AFG1L: variants seen among roughly 807,000 people sequenced by gnomAD.
The protein encoded by AFG1L is AFG1 like ATPase.
AFG1L carries 53 observed loss-of-function variants against 62.2 expected under a neutral mutation model. The ratio of observed to expected loss-of-function variants is 0.85; its 90% CI spans 0.68 to 1.07. The LOEUF (loss-of-function observed/expected upper bound fraction) is 1.07, where lower values mean the gene tolerates loss of function less well. AFG1L is among the 50% of genes least tolerant of loss of function. AFG1L has a pLI of 0.00. For missense variants in AFG1L, 555 were observed against 590.5 expected, an observed-to-expected ratio of 0.94 and a Z score of 0.62; for synonymous variants, 228 against 210.3, an observed-to-expected ratio of 1.08 and a Z score of -0.73.
chr6:108,338,689 G>A (rs1192119350), intron 2 of AFG1L, among the ~76,000 whole-genome samples: 1 of 152,080 alleles, frequency 6.6e-6, no homozygotes, highest in Non-Finnish European at 1.5e-5. Flanking sequence ...ACTTGAACAC[G>A]TGGCTTCTTT....
Position 108,522,297 on chromosome 6 carries a change from G to C in AFG1L, c.1318G>C (p.Asp440His), listed in dbSNP as rs746215758. ...ILMDDLGLSQDSAEGLSMFTG... is the reference protein window; with the variant it reads ...ILMDDLGLSQHSAEGLSMFTG... ...TTTAATTTCTTTGTTTTATAACCAG[G>C]ATTCAGCAGAAGGACTCTCCATGTT... Residue 440 changes from aspartate (D) to histidine (H), a missense_variant and splice_region_variant, in exon 13 of 13, where the codon GAT becomes CAT. By Grantham distance (81) the Asp-to-His change is moderately conservative. Transcript: ENST00000368977. 2 of 1,612,546 alleles carry C rather than the reference G, an allele frequency of 1.2e-6. No individual in the cohort carries two copies. Among genetic ancestry groups the C allele is most frequent in the Non-Finnish European group, 1.7e-6 (2 of 1,179,394 alleles).
chr6:108,308,516 A>T (rs1354199392), intron 1 of AFG1L, among the ~76,000 whole-genome samples: 2 of 151,632 alleles, frequency 1.3e-5, no homozygotes, highest in African/African-American at 4.8e-5. Flanking sequence ...TTACTTATTT[A>T]ATTTTAATTT....
chr6:108,487,624 G>A (rs1284459094), intron 10 of AFG1L, among the ~76,000 whole-genome samples: 4 of 152,168 alleles, frequency 2.6e-5, no homozygotes, highest in Non-Finnish European at 5.9e-5. Flanking sequence ...CATAATATGA[G>A]TGTATCAGGA....
At chr6:108,303,815 CAAAT>C (rs1223688222) in intron 1 of AFG1L, among the ~76,000 whole-genome samples, 7 of 152,148 alleles carry the variant, frequency 4.6e-5, no homozygotes, top group African/African-American at 1.4e-4. Flanking sequence ...ACTAACATAA[CAAAT>C]GAATGGGTTT....
chr6:108,360,634 T>G (rs997865223), intron 5 of AFG1L, among the ~76,000 whole-genome samples: 1 of 152,198 alleles, frequency 6.6e-6, no homozygotes, highest in Non-Finnish European at 1.5e-5. Flanking sequence ...AAAAGGCTGA[T>G]ATCTGCATAT....
chr6:108,350,580 A>G (rs1582418162), intron 3 of AFG1L, among the ~76,000 whole-genome samples: 1 of 152,190 alleles, frequency 6.6e-6, no homozygotes, highest in Non-Finnish European at 1.5e-5. Context: ...TATTTTTGTT[A>G]TAAAATGTTT....
chr6:108,331,778 T>A (rs1290110183), intron 2 of AFG1L, among the ~76,000 whole-genome samples: 1 of 152,152 alleles, frequency 6.6e-6, no homozygotes, highest in East Asian at 1.9e-4. Context: ...AGGGAGAGAA[T>A]TAAATAGAGT....
intron 3 of AFG1L, among the ~76,000 whole-genome samples, chr6:108,350,196 AAAAT>A (rs1044921610): frequency 2.3e-4 from 35 of 152,182 alleles, no homozygotes; most frequent in African/African-American, 8.2e-4. Flanking sequence ...ACTCTGTCTC[AAAAT>A]AAATAAATAA....
At chr6:108,517,811 A>G (rs1774962782) in intron 11 of AFG1L, among the ~76,000 whole-genome samples, 1 of 152,250 alleles carries the variant, frequency 6.6e-6, no homozygotes, top group Admixed American at 6.5e-5. Flanking sequence ...TTACAAGAAA[A>G]AAAACAACAA....
chr6:108,462,518 C>T (rs966349455), intron 8 of AFG1L, among the ~76,000 whole-genome samples: 1 of 152,158 alleles, frequency 6.6e-6, no homozygotes, highest in African/African-American at 2.4e-5. Context: ...AACTACTGAA[C>T]TAGAAATTAA....
chr6:108,347,834 A>T (rs560702338), intron 3 of AFG1L, among the ~76,000 whole-genome samples: 10 of 152,040 alleles, frequency 6.6e-5, no homozygotes, highest in Admixed American at 4.6e-4. Context: ...TTTTAATTTT[A>T]ATTTTTTCTA....
chr6:108,430,149 T>C (rs1388206435), intron 7 of AFG1L, among the ~76,000 whole-genome samples: 3 of 152,108 alleles, frequency 2.0e-5, no homozygotes, highest in African/African-American at 7.2e-5. Flanking sequence ...GATTTCACCA[T>C]GTTGGCCAGG....
At chr6:108,420,130 C>T (rs979035380) in intron 7 of AFG1L, among the ~76,000 whole-genome samples, 10 of 152,062 alleles carry the variant, frequency 6.6e-5, no homozygotes, top group Non-Finnish European at 1.5e-4. Flanking sequence ...ACTGCGTTGT[C>T]ACCTGAGTCA....
At chr6:108,443,369 A>G (rs1771625779) in intron 7 of AFG1L, among the ~76,000 whole-genome samples, 1 of 152,176 alleles carries the variant, frequency 6.6e-6, no homozygotes, top group African/African-American at 2.4e-5. Context: ...TCCAACCAAT[A>G]AGAAGCTGCC....
intron 6 of AFG1L, among the ~76,000 whole-genome samples, chr6:108,394,177 T>G (rs1781191285): frequency 7.5e-6 from 1 of 132,484 alleles, no homozygotes; most frequent in Admixed American, 8.3e-5. Context: ...TTCCAGAGTC[T>G]CACTCTGTTG....
intron 6 of AFG1L, among the ~76,000 whole-genome samples, chr6:108,400,839 TA>T (rs1660484083): frequency 4.0e-5 from 1 of 24,724 alleles, no homozygotes; most frequent in Admixed American, 4.0e-4. Context: ...TATATATTTA[TA>T]TATAATGCAA....
intron 6 of AFG1L, among the ~76,000 whole-genome samples, chr6:108,395,829 GGAGAGAGATAGA>G (rs1781271878): frequency 6.7e-6 from 1 of 150,240 alleles, no homozygotes; most frequent in Non-Finnish European, 1.5e-5. Context: ...AGAGAGAGAG[GGAGAGAGATAGA>G]GAGAGAGAGA....
chr6:108,326,283 G>A, intron 2 of AFG1L, among the ~76,000 whole-genome samples: 1 of 152,046 alleles, frequency 6.6e-6, no homozygotes. Context: ...CTGTTGCCAG[G>A]CTGGTCTTGA....
chr6:108,516,472 C>T (rs971938369), intron 11 of AFG1L, among the ~76,000 whole-genome samples: 1 of 152,070 alleles, frequency 6.6e-6, no homozygotes, highest in African/African-American at 2.4e-5. Flanking sequence ...TAAAAACTCT[C>T]AATAAATTAG....
Sources: gnomAD v4.1 joint callset for allele counts (sites outside exome capture counted in the v4.1 genomes callset) on GRCh38, gnomAD v4.1.1 for gene constraint, MANE v1.5 for transcripts, NCBI Gene and HGNC (gene_info 2026-07-23, HGNC 2026-07-21) for gene names.